Variants in LSAMP observed in about 807,000 individuals in gnomAD.
The protein encoded by LSAMP is limbic system-associated membrane protein.
Under a neutral mutation model 38.6 loss-of-function variants are expected in LSAMP, and 7 were observed. The observed-to-expected ratio is 0.18, with a 90% CI of 0.10 to 0.34. The LOEUF is 0.34. Ranked by LOEUF, LSAMP falls within the 10% of genes least tolerant of loss-of-function variation. The probability of loss-of-function intolerance (pLI) is 1.00; values close to 1 mark genes in which losing one functional copy is unlikely to be tolerated. For synonymous variants in LSAMP, 154 were observed against 166.8 expected (o/e 0.92, Z 0.59); for missense variants, 313 against 420.0 (o/e 0.75, Z 2.23).
At chr3:115,896,233 A>T (rs1936726081) in intron 3 of LSAMP, among the ~76,000 whole-genome samples, 1 of 152,108 alleles carries the variant, frequency 6.6e-6, no homozygotes, top group South Asian at 2.1e-4. Context: ...AGTTCTTAGG[A>T]TTGTTTGTAA....
intron 1 of LSAMP, among the ~76,000 whole-genome samples, chr3:116,370,834 T>C (rs1217477009): frequency 6.6e-6 from 1 of 152,132 alleles, no homozygotes. Context: ...ACTTTAGCTA[T>C]AGATGGACTA....
At chr3:115,990,333 G>A (rs775827001) in intron 3 of LSAMP, among the ~76,000 whole-genome samples, 9 of 152,056 alleles carry the variant, frequency 5.9e-5, no homozygotes, top group East Asian at 1.9e-4. Context: ...ACCATTTAAC[G>A]CCCAAGAGCC....
Position 116,288,331 on chromosome 3 carries a change from G to A in LSAMP, c.155+156546C>T, listed in dbSNP as rs528070017. On this transcript the variant is annotated intron_variant, in intron 1 of 6. Coordinates refer to ENST00000490035, the MANE Select transcript of LSAMP (RefSeq NM_002338.5). The stretch of plus-strand genomic sequence containing the variant: ...GGATTCTCAAAGAAAAGACAGATGA[G>A]AGAAGGTATCGTTAATTGTGGGTAA... 1.3e-3 allele frequency among the ~76,000 whole-genome samples: 197 copies of A among 152,290 alleles called. 2 individuals are homozygous for A. Among genetic ancestry groups the A allele is most frequent in the Non-Finnish European group, 1.4e-3 (94 of 68,024 alleles).
At chr3:116,388,677 TC>T (rs2048655739) in intron 1 of LSAMP, among the ~76,000 whole-genome samples, 1 of 152,158 alleles carries the variant, frequency 6.6e-6, no homozygotes, top group Non-Finnish European at 1.5e-5. Flanking sequence ...TGCTCCTTAT[TC>T]CCAATAAACA....
At chr3:116,210,518 C>T (rs936376465) in intron 1 of LSAMP, among the ~76,000 whole-genome samples, 5 of 152,176 alleles carry the variant, frequency 3.3e-5, no homozygotes, top group Non-Finnish European at 5.9e-5. Flanking sequence ...CAGGAGCTCT[C>T]GGGCCTTTGG....
At chr3:116,054,447 C>T (rs1941453241) in intron 2 of LSAMP, among the ~76,000 whole-genome samples, 2 of 152,080 alleles carry the variant, frequency 1.3e-5, no homozygotes, top group African/African-American at 4.8e-5. Flanking sequence ...ACATACTTAG[C>T]CCAGAGAATA....
intron 1 of LSAMP, among the ~76,000 whole-genome samples, chr3:116,134,378 A>G (rs1209122497): frequency 1.3e-5 from 2 of 152,166 alleles, no homozygotes; most frequent in Non-Finnish European, 2.9e-5. Context: ...AAAAAGAAAG[A>G]AATCAGACTG....
chr3:116,408,455 T>C (rs1576200693), intron 1 of LSAMP, among the ~76,000 whole-genome samples: 2 of 152,226 alleles, frequency 1.3e-5, no homozygotes, highest in South Asian at 2.1e-4. Flanking sequence ...ACTTTTGGCA[T>C]TTTATTTTAG....
chr3:116,231,828 A>G (rs1466608497), intron 1 of LSAMP, among the ~76,000 whole-genome samples: 2 of 152,216 alleles, frequency 1.3e-5, no homozygotes, highest in South Asian at 2.1e-4. Flanking sequence ...GAACCTTTAT[A>G]TATCTCAGTC....
intron 6 of LSAMP, among the ~76,000 whole-genome samples, chr3:115,834,051 C>A (rs540529166): frequency 9.9e-5 from 15 of 151,902 alleles, no homozygotes; most frequent in African/African-American, 3.4e-4. Context: ...GAAAAAAAAA[C>A]CATGAATTGG....
intron 3 of LSAMP, among the ~76,000 whole-genome samples, chr3:115,967,407 C>A (rs758714786): frequency 7.2e-5 from 11 of 152,148 alleles, no homozygotes; most frequent in Non-Finnish European, 1.3e-4. Flanking sequence ...TGGTCAAAGC[C>A]ATTTGACAAG....
chr3:115,812,370 G>A (rs1315937098), intron 6 of LSAMP, among the ~76,000 whole-genome samples: 1 of 152,166 alleles, frequency 6.6e-6, no homozygotes, highest in Non-Finnish European at 1.5e-5. Context: ...AAGGTTCAAT[G>A]AGATTCTGTA....
chr3:116,008,220 G>A (rs1187542338), intron 3 of LSAMP, among the ~76,000 whole-genome samples: 1 of 152,186 alleles, frequency 6.6e-6, no homozygotes, highest in Non-Finnish European at 1.5e-5. Context: ...TATGGTAGGT[G>A]AGTAGGCATT....
At chr3:116,117,792 A>G (rs1708785469) in intron 1 of LSAMP, among the ~76,000 whole-genome samples, 1 of 152,026 alleles carries the variant, frequency 6.6e-6, no homozygotes, top group Non-Finnish European at 1.5e-5. Context: ...CATTTTAATT[A>G]TTTCTATTAA....
At chr3:116,405,622 A>G (rs966900505) in intron 1 of LSAMP, among the ~76,000 whole-genome samples, 1 of 152,198 alleles carries the variant, frequency 6.6e-6, no homozygotes, top group African/African-American at 2.4e-5. Context: ...GATCAACAGA[A>G]GCACTAAGTT....
intron 1 of LSAMP, among the ~76,000 whole-genome samples, chr3:116,384,129 G>A (rs2048595452): frequency 6.6e-6 from 1 of 152,014 alleles, no homozygotes; most frequent in African/African-American, 2.4e-5. Flanking sequence ...GCAATGAACA[G>A]TAATCTACCA....
At chr3:115,992,245 A>AG (rs1939691717) in intron 3 of LSAMP, among the ~76,000 whole-genome samples, 1 of 152,068 alleles carries the variant, frequency 6.6e-6, no homozygotes, top group African/African-American at 2.4e-5. Flanking sequence ...ATGAGGACCC[A>AG]GTCAAGATGG....
intron 6 of LSAMP, among the ~76,000 whole-genome samples, chr3:115,822,907 T>C (rs538045998): frequency 5.3e-5 from 8 of 152,306 alleles, no homozygotes; most frequent in African/African-American, 1.9e-4. Context: ...TCAGAGTAAA[T>C]AATGACATAG....
At chr3:116,033,512 TCTC>T (rs1940976001) in intron 2 of LSAMP, among the ~76,000 whole-genome samples, 2 of 151,994 alleles carry the variant, frequency 1.3e-5, no homozygotes, top group African/African-American at 4.8e-5. Flanking sequence ...CCTATAGAAA[TCTC>T]CCCCTCGTGG....
Sources: allele counts gnomAD v4.1 joint callset (sites outside exome capture counted in the v4.1 genomes callset), GRCh38; gene constraint gnomAD v4.1.1; transcripts MANE v1.5; gene names NCBI Gene and HGNC (gene_info 2026-07-23, HGNC 2026-07-21).